The following ZNF407 variants were observed in gnomAD, a reference collection of about 807,000 sequenced individuals.
ZNF407 encodes zinc finger protein 407.
A neutral mutation model predicts 131.2 loss-of-function variants in ZNF407; 17 were observed. The observed-to-expected ratio is 0.13, with a 90% CI of 0.09 to 0.19. The LOEUF (loss-of-function observed/expected upper bound fraction) is 0.19, where lower values mean the gene tolerates loss of function less well. Ranked by LOEUF, ZNF407 falls within the 10% of genes least tolerant of loss-of-function variation. The pLI is 1.00. For missense variants in ZNF407, 2,681 were observed against 2,830.6 expected (o/e 0.95, Z 1.20); for synonymous variants, 1,156 against 1,062.0 (o/e 1.09, Z -1.72).
At chr18:74,882,546 C>A (rs1971252923) in intron 6 of ZNF407, among the ~76,000 whole-genome samples, 1 of 152,206 alleles carries the variant, frequency 6.6e-6, no homozygotes, top group African/African-American at 2.4e-5. Context: ...AAGATCAATG[C>A]AAGCTAATGC....
Position 75,063,418 on chromosome 18 carries a change from G to C in ZNF407, c.5697G>C (p.Val1899=). 6.2e-7 allele frequency: 1 copy of C among 1,610,352 alleles called. No individual in the cohort carries two copies. Among genetic ancestry groups the C allele is most frequent in the Non-Finnish European group, 8.5e-7 (1 of 1,178,792 alleles). Residue 1899 remains valine (V), a synonymous_variant, in exon 9 of 9, where the codon GTG becomes GTC. Transcript: ENST00000299687. The surrounding 1 kb of genome is among the most constrained non-coding windows in gnomAD (Gnocchi z 6.6). ...AGACGCTGGCCATGGCCGGCCAGGT[G>C]GCCCGGGTGGTGCATATCACGGAGG... ...TLQTLAMAGQ[V]ARVVHITEDG...
chr18:74,753,789 A>G (rs1202033465), intron 3 of ZNF407, among the ~76,000 whole-genome samples: 1 of 152,112 alleles, frequency 6.6e-6, no homozygotes, highest in Non-Finnish European at 1.5e-5. Flanking sequence ...ATTGATGTTC[A>G]TCAGGGATAT....
At chr18:74,956,632 G>A (rs1226273176) in intron 8 of ZNF407, among the ~76,000 whole-genome samples, 11 of 152,138 alleles carry the variant, frequency 7.2e-5, no homozygotes, top group Non-Finnish European at 1.6e-4. Flanking sequence ...GTCGTGATGT[G>A]ATGAAGGGAC....
intron 3 of ZNF407, among the ~76,000 whole-genome samples, chr18:74,728,757 G>A (rs1302770683): frequency 2.6e-5 from 4 of 152,150 alleles, no homozygotes; most frequent in East Asian, 1.9e-4. Flanking sequence ...AGTGGAGAGC[G>A]TGCTGTGTGG....
Position 75,063,140 on chromosome 18 carries a change from T to C in ZNF407, c.5429-10T>C. The C allele has an allele frequency of 1.3e-6, 2 of 1,548,898 alleles. No homozygotes were observed. The highest frequency in any genetic ancestry group is 1.7e-6 in the Non-Finnish European group (2 of 1,146,724). On this transcript the variant is annotated splice_polypyrimidine_tract_variant and intron_variant, in intron 8 of 8. Coordinates refer to ENST00000299687, the MANE Select transcript of ZNF407 (RefSeq NM_017757.3). This position sits in a 1 kb window ranked among gnomAD's most constrained non-coding sequence, Gnocchi z 6.6. ...TTTTCCAGGCTCTAACTGGTCCCTG[T>C]CTCCCTTAGGCATTGTTTCCAAGTC...
chr18:74,764,045 TTC>T (rs1460870235), intron 3 of ZNF407, among the ~76,000 whole-genome samples: 1 of 152,030 alleles, frequency 6.6e-6, no homozygotes, highest in Non-Finnish European at 1.5e-5. Flanking sequence ...CATGTCTTTT[TTC>T]TCTCTTTTTT....
Position 74,627,796 on chromosome 18 carries a change from T to C in ZNF407, c.-53-3171T>C, listed in dbSNP as rs74699021. Among the ~76,000 whole-genome samples, 811 of 108,412 alleles carry C rather than the reference T, an allele frequency of 7.5e-3. 9 individuals are homozygous for C. The highest frequency in any genetic ancestry group is 0.025 in the African/African-American group (749 of 29,860). The allele number at this position is 108,412 out of a possible 152,430, so 71.1% of individuals were successfully genotyped here. ...TCTCTCTTTCTCTCTCTCTCTCTCT[T>C]TCTCTCTTTCTCTCTTTCTGCCCTG... On this transcript the variant is annotated intron_variant, in intron 1 of 8. Coordinates refer to ENST00000299687, the MANE Select transcript of ZNF407 (RefSeq NM_017757.3).
chr18:74,751,802 T>C lies in ZNF407; in HGVS notation c.4803-29626T>C, dbSNP rs1210524673. Among the ~76,000 whole-genome samples, 3 of 152,222 alleles carry C rather than the reference T, an allele frequency of 2.0e-5. No homozygotes were observed. In the East Asian group the frequency reaches 5.8e-4, roughly 29 times the overall value. On this transcript the variant is annotated intron_variant, in intron 3 of 8. Coordinates refer to ENST00000299687, the MANE Select transcript of ZNF407 (RefSeq NM_017757.3). Reference sequence around the variant, plus strand: ...GACATCTGGGTTAGTACCAAGTCTTTGCTATTGTGAATAGTGCCGCAGTAG... The same window carrying C: ...GACATCTGGGTTAGTACCAAGTCTTCGCTATTGTGAATAGTGCCGCAGTAG...
At chr18:75,012,435 G>T (rs1972990421) in intron 8 of ZNF407, among the ~76,000 whole-genome samples, 1 of 151,228 alleles carries the variant, frequency 6.6e-6, no homozygotes, top group Admixed American at 6.6e-5. Context: ...AGGCTCTGGG[G>T]GTATCTACAG....
chr18:75,063,562 C>T lies in ZNF407; in HGVS notation c.5841C>T (p.Ser1947=). The change falls in exon 9 of 9, where the codon TCC becomes TCT. Residue 1947 remains serine (S), a synonymous_variant. Transcript: ENST00000299687. This position sits in a 1 kb window ranked among gnomAD's most constrained non-coding sequence, Gnocchi z 6.6. ...CCCAGGTGGTCGTCGTGGGGGGCTC[C>T]ATGGAAGGCCACGGCATGGATGAGT... ...GATQVVVVGG[S]MEGHGMDESL... is the part of the protein sequence containing the mutation. The T allele has an allele frequency of 6.4e-7, 1 of 1,566,998 alleles. No individual in the cohort carries two copies. The highest frequency in any genetic ancestry group is 1.7e-4 in the Middle Eastern group (1 of 6,012).
At chr18:74,686,942 G>A (rs754152191) in intron 3 of ZNF407, among the ~76,000 whole-genome samples, 2 of 152,162 alleles carry the variant, frequency 1.3e-5, no homozygotes, top group South Asian at 2.1e-4. Flanking sequence ...CACGTATTAG[G>A]TACCCGTACT....
intron 8 of ZNF407, among the ~76,000 whole-genome samples, chr18:74,974,983 G>T (rs1391016740): frequency 6.6e-6 from 1 of 152,208 alleles, no homozygotes; most frequent in African/African-American, 2.4e-5. Context: ...TATGTACACT[G>T]TATAGAACTG....
intron 8 of ZNF407, among the ~76,000 whole-genome samples, chr18:74,997,667 C>A (rs1212676391): frequency 1.3e-5 from 2 of 152,076 alleles, no homozygotes; most frequent in Non-Finnish European, 2.9e-5. Flanking sequence ...TTCCTTCAGA[C>A]TCATTAGAAA....
At chr18:75,019,779 A>G (rs2122199731) in intron 8 of ZNF407, among the ~76,000 whole-genome samples, 1 of 152,258 alleles carries the variant, frequency 6.6e-6, no homozygotes, top group Admixed American at 6.5e-5. Flanking sequence ...GAAACTTACA[A>G]TCATGGTGAA....
intron 3 of ZNF407, among the ~76,000 whole-genome samples, chr18:74,737,186 G>A (rs1968437067): frequency 6.6e-6 from 1 of 152,130 alleles, no homozygotes; most frequent in Non-Finnish European, 1.5e-5. Context: ...CAAGAATGTT[G>A]GAGGCATTTT....
At chr18:74,957,335 A>G (rs1972287716) in intron 8 of ZNF407, among the ~76,000 whole-genome samples, 1 of 152,106 alleles carries the variant, frequency 6.6e-6, no homozygotes, top group Admixed American at 6.5e-5. Flanking sequence ...CCCTTTCCAT[A>G]GGCAGATGCT....
At chr18:74,976,465 C>G (rs1972529950) in intron 8 of ZNF407, among the ~76,000 whole-genome samples, 1 of 152,168 alleles carries the variant, frequency 6.6e-6, no homozygotes, top group African/African-American at 2.4e-5. Context: ...ACCTGTAATT[C>G]AATAGAGCTG....
chr18:74,730,771 A>G (rs777408078), intron 3 of ZNF407, among the ~76,000 whole-genome samples: 5 of 152,228 alleles, frequency 3.3e-5, no homozygotes, highest in African/African-American at 7.2e-5. Context: ...AGGATTATAG[A>G]AAGAATGATG....
intron 8 of ZNF407, among the ~76,000 whole-genome samples, chr18:74,987,218 G>C (rs1443113121): frequency 6.6e-6 from 1 of 151,792 alleles, no homozygotes; most frequent in African/African-American, 2.4e-5. Flanking sequence ...TCAGTACCGG[G>C]GAATTTTTTT....
Sources: allele counts gnomAD v4.1 joint callset (sites outside exome capture counted in the v4.1 genomes callset), GRCh38; gene constraint gnomAD v4.1.1; non-coding constraint Gnocchi (gnomAD v3.1); transcripts MANE v1.5; gene names NCBI Gene and HGNC (gene_info 2026-07-23, HGNC 2026-07-21).